Variants in ATP6V0D2 observed in about 807,000 individuals in gnomAD.
The protein encoded by ATP6V0D2 is ATPase H+ transporting V0 subunit d2, also known as V-type proton ATPase subunit d 2.
In ATP6V0D2, 40 loss-of-function variants were observed where a neutral mutation model predicts 40.0. That is an observed-to-expected ratio of 1.00 (90% CI 0.78 to 1.30). ATP6V0D2 has a LOEUF of 1.30. Ranked by LOEUF, ATP6V0D2 falls within the 50% of genes most tolerant of loss-of-function variation. The pLI, the probability that ATP6V0D2 is intolerant of heterozygous loss-of-function variation, is 0.00. For missense variants in ATP6V0D2, 470 were observed against 423.1 expected, an observed-to-expected ratio of 1.11 and a Z score of -0.97; for synonymous variants, 179 against 156.3, an observed-to-expected ratio of 1.15 and a Z score of -1.08.
intron 2 of ATP6V0D2, among the ~76,000 whole-genome samples, chr8:86,119,763 G>A (rs563911144): frequency 6.6e-6 from 1 of 152,220 alleles, no homozygotes; most frequent in Admixed American, 6.5e-5. Context: ...TTGGAAAGGT[G>A]GTTTTGGTAG....
chr8:86,127,765 G>A (rs1818766583), intron 2 of ATP6V0D2, among the ~76,000 whole-genome samples: 1 of 152,138 alleles, frequency 6.6e-6, no homozygotes, highest in Non-Finnish European at 1.5e-5. Flanking sequence ...CATTCTGTAT[G>A]TATAATTGTT....
At chr8:86,113,437 G>A (rs923140148) in intron 1 of ATP6V0D2, among the ~76,000 whole-genome samples, 4 of 152,242 alleles carry the variant, frequency 2.6e-5, no homozygotes, top group East Asian at 3.9e-4. Context: ...AGCTGAGATC[G>A]CACCACGGCA....
Position 86,149,693 on chromosome 8 carries a change from C to T in ATP6V0D2, c.640-419C>T, listed in dbSNP as rs142300704. Among the ~76,000 whole-genome samples the T allele has an allele frequency of 3.0e-3, 458 of 152,304 alleles. 2 individuals carry two copies. The highest frequency in any genetic ancestry group is 9.8e-3 in the African/African-American group (408 of 41,576). ...AAGGGATATTAACATGTATGGCATA[C>T]ACTTTTTGTTCCAAACATCATGCTA... On this transcript the variant is annotated intron_variant, in intron 5 of 7. Coordinates refer to ENST00000285393, the MANE Select transcript of ATP6V0D2 (RefSeq NM_152565.1).
chr8:86,125,098 A>G (rs1457251262), intron 2 of ATP6V0D2, among the ~76,000 whole-genome samples: 2 of 152,126 alleles, frequency 1.3e-5, no homozygotes, highest in African/African-American at 2.4e-5. Flanking sequence ...CCCCACCACT[A>G]CTGTTGTTGG....
intron 2 of ATP6V0D2, among the ~76,000 whole-genome samples, chr8:86,126,273 T>C (rs1265038997): frequency 2.8e-5 from 4 of 143,640 alleles, no homozygotes; most frequent in African/African-American, 7.5e-5. Flanking sequence ...TCTTTTTGTA[T>C]ATAGTATAAA....
rs147187687 is a variant in ATP6V0D2 at position 86,106,480 on chromosome 8, A to G, written c.131-7229A>G. The stretch of plus-strand genomic sequence containing the variant: ...ATCTCCGTGGCCTAACTCCCAGTTC[A>G]CTGGGAGGATCCAAAATATCTGAAG... On this transcript the variant is annotated intron_variant, in intron 1 of 7. Transcript: ENST00000285393. Among the ~76,000 whole-genome samples the G allele has an allele frequency of 1.1e-4, 16 of 152,322 alleles. No homozygotes were observed. In the East Asian group the frequency reaches 1.9e-3, roughly 18 times the overall value.
At chr8:86,124,698 T>C (rs1818717022) in intron 2 of ATP6V0D2, among the ~76,000 whole-genome samples, 1 of 152,156 alleles carries the variant, frequency 6.6e-6, no homozygotes, top group African/African-American at 2.4e-5. Context: ...GAGTTTAATT[T>C]AAAAACAGAA....
At chr8:86,112,438 T>C (rs1818538154) in intron 1 of ATP6V0D2, among the ~76,000 whole-genome samples, 1 of 152,214 alleles carries the variant, frequency 6.6e-6, no homozygotes, top group Non-Finnish European at 1.5e-5. Flanking sequence ...TATGTGATCT[T>C]GAACAAGTTA....
Position 86,116,429 on chromosome 8 carries a change from C to T in ATP6V0D2, c.302+2549C>T, listed in dbSNP as rs983400018. Among the ~76,000 whole-genome samples the T allele has an allele frequency of 5.9e-5, 9 of 151,942 alleles. No homozygotes were observed. The South Asian group carries it at 6.2e-4, about 11-fold the overall frequency. On this transcript the variant is annotated intron_variant, in intron 2 of 7. Coordinates refer to ENST00000285393, the MANE Select transcript of ATP6V0D2 (RefSeq NM_152565.1). The stretch of plus-strand genomic sequence containing the variant: ...ACAGACAGAGTCTCACTTATTGCCC[C>T]GGCTGGTCTCAAACCATCCTCTCAC...
rs116714639 is a variant in ATP6V0D2 at position 86,132,486 on chromosome 8, C to T, written c.303-6971C>T. Among the ~76,000 whole-genome samples, 864 of 152,258 alleles carry T rather than the reference C, an allele frequency of 5.7e-3. 8 individuals carry two copies. The highest frequency in any genetic ancestry group is 0.02 in the African/African-American group (821 of 41,554). On this transcript the variant is annotated intron_variant, in intron 2 of 7. Transcript: ENST00000285393. ...TCTCCTCCTCTCCCCCTCCCTACCACCCACCATTCCTAGCCTCTATTATCT... is the reference window on the plus strand; with the variant it reads ...TCTCCTCCTCTCCCCCTCCCTACCATCCACCATTCCTAGCCTCTATTATCT...
intron 2 of ATP6V0D2, among the ~76,000 whole-genome samples, chr8:86,137,034 G>T (rs1348079992): frequency 7.2e-6 from 1 of 138,520 alleles, no homozygotes; most frequent in Admixed American, 7.4e-5. Flanking sequence ...AATCGAAAGC[G>T]TCCTTGGCCC....
chr8:86,102,128 G>T (rs913519208), intron 1 of ATP6V0D2, among the ~76,000 whole-genome samples: 1 of 152,170 alleles, frequency 6.6e-6, no homozygotes, highest in Non-Finnish European at 1.5e-5. Context: ...TGCCTCCTGA[G>T]TATAAATTGA....
chr8:86,122,019 A>C (rs1818677789), intron 2 of ATP6V0D2, among the ~76,000 whole-genome samples: 1 of 152,222 alleles, frequency 6.6e-6, no homozygotes. Flanking sequence ...GTATACTATA[A>C]TTATACACAG....
intron 2 of ATP6V0D2, among the ~76,000 whole-genome samples, chr8:86,136,283 C>A (rs1485986634): frequency 6.6e-6 from 1 of 152,198 alleles, no homozygotes; most frequent in Non-Finnish European, 1.5e-5. Flanking sequence ...ACTGTAGAGG[C>A]AGGTCTGGGT....
intron 2 of ATP6V0D2, among the ~76,000 whole-genome samples, chr8:86,131,264 A>G (rs989623202): frequency 4.6e-5 from 7 of 152,100 alleles, no homozygotes; most frequent in Admixed American, 3.3e-4. Context: ...CAGTGGTGCA[A>G]TCTCGGCTCA....
At position 86,141,812 on chromosome 8, in the gene ATP6V0D2, T is replaced by G. The variant is rs77224670; in HGVS notation, c.561+283T>G. The stretch of plus-strand genomic sequence containing the variant: ...AACATAAAAGGTGTTTGGATGATGG[T>G]AGGTGAAGAAATGGGGTGAACAATA... On this transcript the variant is annotated intron_variant, in intron 4 of 7. Transcript: ENST00000285393. Among the ~76,000 whole-genome samples, 106 of 152,232 alleles carry G rather than the reference T, an allele frequency of 7.0e-4. No individual in the cohort carries two copies. The East Asian group carries it at 0.019, about 27-fold the overall frequency.
chr8:86,151,458 T>C lies in ATP6V0D2; in HGVS notation c.817-8T>C. On this transcript the variant is annotated splice_polypyrimidine_tract_variant and splice_region_variant and intron_variant, in intron 6 of 7. Transcript: ENST00000285393. Reference sequence around the variant, plus strand: ...AATGTCTTTAAAATTAATGTCTTTGTTTTTAAGGTATACAAACCTTTATTT... The same window carrying C: ...AATGTCTTTAAAATTAATGTCTTTGCTTTTAAGGTATACAAACCTTTATTT... 1 of 1,571,826 alleles carries C rather than the reference T, an allele frequency of 6.4e-7. No homozygotes were observed.
chr8:86,147,709 G>A (rs1819090535), intron 5 of ATP6V0D2, among the ~76,000 whole-genome samples: 1 of 152,124 alleles, frequency 6.6e-6, no homozygotes, highest in African/African-American at 2.4e-5. Context: ...GGGTTCAAAG[G>A]GAATCATATC....
intron 5 of ATP6V0D2, among the ~76,000 whole-genome samples, chr8:86,144,026 C>T (rs555823740): frequency 6.6e-6 from 1 of 152,302 alleles, no homozygotes; most frequent in Non-Finnish European, 1.5e-5. Flanking sequence ...GGCAGGAAGA[C>T]TCATTTGTTA....
Sources: gnomAD v4.1 joint callset for allele counts (sites outside exome capture counted in the v4.1 genomes callset) on GRCh38, gnomAD v4.1.1 for gene constraint, MANE v1.5 for transcripts, NCBI Gene and HGNC (gene_info 2026-07-23, HGNC 2026-07-21) for gene names.